The following PTPRD variants were observed in gnomAD, a reference collection of about 807,000 sequenced individuals.
The protein encoded by PTPRD is protein tyrosine phosphatase receptor type D, also known as receptor-type tyrosine-protein phosphatase delta.
A neutral mutation model predicts 214.5 loss-of-function variants in PTPRD; 34 were observed. The ratio of observed to expected loss-of-function variants is 0.16; its 90% CI spans 0.12 to 0.21. The LOEUF (loss-of-function observed/expected upper bound fraction) is 0.21. PTPRD is among the 10% of genes least tolerant of loss of function. PTPRD has a pLI of 1.00. For missense variants in PTPRD, 2,545 were observed against 2,398.7 expected (o/e 1.06, Z -1.27); for synonymous variants, 1,128 against 845.7 (o/e 1.33, Z -5.79).
At chr9:9,378,572 G>GTTT (rs2061396948) in intron 9 of PTPRD, among the ~76,000 whole-genome samples, 1 of 152,232 alleles carries the variant, frequency 6.6e-6, no homozygotes, top group South Asian at 2.1e-4. Context: ...AGTATGTGTA[G>GTTT]TTTTGTAAGA....
chr9:8,583,801 A>C (rs972543816), intron 14 of PTPRD, among the ~76,000 whole-genome samples: 4 of 152,218 alleles, frequency 2.6e-5, no homozygotes, highest in African/African-American at 9.6e-5. Context: ...GAAGAGTAGA[A>C]TTTAACAGAT....
At chr9:9,754,779 C>T (rs1025155654) in intron 6 of PTPRD, among the ~76,000 whole-genome samples, 52 of 151,990 alleles carry the variant, frequency 3.4e-4, no homozygotes, top group African/African-American at 1.2e-3. Flanking sequence ...CTGCATTTAG[C>T]ATGTGAGGAC....
chr9:8,821,677 A>G (rs2097067654), intron 11 of PTPRD, among the ~76,000 whole-genome samples: 2 of 152,054 alleles, frequency 1.3e-5, no homozygotes, highest in Admixed American at 6.5e-5. Context: ...AGTTCCTTCA[A>G]CTTCAGGAAA....
chr9:10,341,020 G>A lies in PTPRD; in HGVS notation c.-599-3C>T, dbSNP rs182619143. On this transcript the variant is annotated splice_polypyrimidine_tract_variant and splice_region_variant and intron_variant, in intron 2 of 45. Transcript: ENST00000381196. The stretch of plus-strand genomic sequence containing the variant: ...TCCTTGATTCTTCACTTCTTCACCT[G>A]CAAAAATGAGGACATTGGGCTAGAT... 8 of 151,908 alleles carry A rather than the reference G, an allele frequency of 5.3e-5. No homozygotes were observed. In the East Asian group the frequency reaches 1.6e-3, roughly 29 times the overall value. The allele number at this position is 151,908 out of a possible 1,614,324, so 9.4% of individuals were successfully genotyped here. A position where few individuals can be genotyped will look rare whatever the true frequency, so the allele number is the denominator to read the frequency against.
chr9:9,478,281 G>A (rs1342315947), intron 8 of PTPRD, among the ~76,000 whole-genome samples: 2 of 152,048 alleles, frequency 1.3e-5, no homozygotes, highest in Admixed American at 6.6e-5. Flanking sequence ...ACTGACTTCA[G>A]GCAAGTAAGG....
intron 5 of PTPRD, among the ~76,000 whole-genome samples, chr9:9,915,244 T>G (rs1489630652): frequency 6.6e-6 from 1 of 152,130 alleles, no homozygotes; most frequent in African/African-American, 2.4e-5. Flanking sequence ...TCTTTCCATA[T>G]GAAACTAACA....
chr9:9,941,850 T>A (rs1460511510), intron 4 of PTPRD, among the ~76,000 whole-genome samples: 2 of 152,168 alleles, frequency 1.3e-5, no homozygotes, highest in Non-Finnish European at 2.9e-5. Flanking sequence ...CCAAAAGCAC[T>A]ACAATTGATT....
intron 35 of PTPRD, among the ~76,000 whole-genome samples, chr9:8,404,970 T>C (rs1279874567): frequency 6.6e-6 from 1 of 152,248 alleles, no homozygotes; most frequent in Non-Finnish European, 1.5e-5. Flanking sequence ...TGCTGTAGTT[T>C]ACAAGTCATC....
In PTPRD at chr9:10,504,089, A is replaced by C. The variant is rs202044490; in HGVS notation, c.-600+108309T>G. 1.7e-4 allele frequency among the ~76,000 whole-genome samples: 21 copies of C among 123,246 alleles called. No homozygotes were observed. In the South Asian group the frequency reaches 3.0e-3, roughly 18 times the overall value. The allele number at this position is 123,246 out of a possible 152,430, so 80.9% of individuals were successfully genotyped here. A position where few individuals can be genotyped will look rare whatever the true frequency, so the allele number is the denominator to read the frequency against. On this transcript the variant is annotated intron_variant, in intron 2 of 45. Transcript: ENST00000381196. The stretch of plus-strand genomic sequence containing the variant: ...CGAGATCGCGCCACTGCACTCCAGC[A>C]TGGGGCACAGAGCGAGACTCTGTCT...
intron 12 of PTPRD, among the ~76,000 whole-genome samples, chr9:8,645,769 A>T (rs180729737): frequency 6.6e-5 from 10 of 151,918 alleles, no homozygotes; most frequent in Non-Finnish European, 1.2e-4. Flanking sequence ...TGCTTGAAAG[A>T]TTACCTTCCA....
At chr9:9,381,405 G>A (rs766527777) in intron 9 of PTPRD, among the ~76,000 whole-genome samples, 13 of 146,222 alleles carry the variant, frequency 8.9e-5, no homozygotes, top group South Asian at 2.1e-4. Flanking sequence ...TTTGTCACCC[G>A]GCTGGAGTGC....
rs1371428038 is a variant in PTPRD at position 8,528,761 on chromosome 9, C to A, written c.371G>T (p.Gly124Val). Residue 124 changes from glycine to valine, a missense_variant, in exon 15 of 46, where the codon GGC (glycine) becomes GTC (valine). Transcript: ENST00000381196. ...TVLREDQIPR[G>V]FPTIDMGPQL... ...TGGGCCCATGTCAATGGTAGGGAAG[C>A]CCCTGGGAATTTGATCTTCTGCAAG... The A allele has an allele frequency of 1.2e-6, 2 of 1,613,268 alleles. No homozygotes were observed. Among genetic ancestry groups the A allele is most frequent in the Non-Finnish European group, 1.7e-6 (2 of 1,179,550 alleles).
chr9:9,566,593 A>C (rs1188724455), intron 8 of PTPRD, among the ~76,000 whole-genome samples: 42 of 152,142 alleles, frequency 2.8e-4, no homozygotes, highest in Non-Finnish European at 1.0e-4. Flanking sequence ...TATTACATAG[A>C]CTATGTATTT....
intron 11 of PTPRD, among the ~76,000 whole-genome samples, chr9:8,904,549 G>A (rs923978051): frequency 6.6e-6 from 1 of 151,838 alleles, no homozygotes; most frequent in Non-Finnish European, 1.5e-5. Flanking sequence ...GCGCATGCCT[G>A]TAGTCCCAGC....
At chr9:10,058,467 C>T (rs1024457565) in intron 3 of PTPRD, among the ~76,000 whole-genome samples, 31 of 152,040 alleles carry the variant, frequency 2.0e-4, no homozygotes, top group East Asian at 1.9e-4. Flanking sequence ...TAAATCTATG[C>T]TCCCAGGTTA....
chr9:8,843,723 G>C (rs921128613), intron 11 of PTPRD, among the ~76,000 whole-genome samples: 4 of 152,130 alleles, frequency 2.6e-5, no homozygotes, highest in African/African-American at 4.8e-5. Flanking sequence ...TCCTCATCAA[G>C]GCAGATACTG....
At chr9:10,023,421 C>T (rs79454841) in intron 4 of PTPRD, among the ~76,000 whole-genome samples, 3,633 of 152,212 alleles carry the variant, frequency 0.024, 142 homozygotes, top group African/African-American at 0.081. Context: ...TTTGTGAAAA[C>T]AAAATTCAAT....
At chr9:8,767,251 G>A (rs1208477091) in intron 11 of PTPRD, among the ~76,000 whole-genome samples, 1 of 151,986 alleles carries the variant, frequency 6.6e-6, no homozygotes, top group Admixed American at 6.6e-5. Context: ...CCGAGTAGCT[G>A]GGATTACAGG....
chr9:10,319,697 T>C (rs1171960397), intron 3 of PTPRD, among the ~76,000 whole-genome samples: 1 of 152,032 alleles, frequency 6.6e-6, no homozygotes, highest in African/African-American at 2.4e-5. Context: ...ACTCATCTAG[T>C]GTTTGTAAAA....
Sources: allele counts gnomAD v4.1 joint callset (sites outside exome capture counted in the v4.1 genomes callset), GRCh38; gene constraint gnomAD v4.1.1; transcripts MANE v1.5; gene names NCBI Gene and HGNC (gene_info 2026-07-23, HGNC 2026-07-21).